The following FER1L6 variants were observed in gnomAD, a reference collection of about 807,000 sequenced individuals.
FER1L6 encodes fer-1-like protein 6.
A neutral mutation model predicts 219.2 loss-of-function variants in FER1L6; 177 were observed. That is an observed-to-expected ratio of 0.81 (90% confidence interval 0.71 to 0.91). The LOEUF (loss-of-function observed/expected upper bound fraction) is 0.91, where lower values mean the gene tolerates loss of function less well. Among genes scored for constraint, FER1L6 ranks in the 40% least tolerant of loss-of-function variants. The pLI, the probability that FER1L6 is intolerant of heterozygous loss-of-function variation, is 0.00. For synonymous variants in FER1L6, 768 were observed against 824.3 expected (o/e 0.93, Z 1.17); for missense variants, 2,153 against 2,259.9 (o/e 0.95, Z 0.96).
chr8:123,917,677 C>T (rs554308476), intron 1 of FER1L6, among the ~76,000 whole-genome samples: 1 of 152,210 alleles, frequency 6.6e-6, no homozygotes, highest in East Asian at 1.9e-4. Flanking sequence ...AAAATTAATC[C>T]CAAATACTAC....
At chr8:123,881,000 C>T (rs905069920) in intron 1 of FER1L6, among the ~76,000 whole-genome samples, 1 of 152,164 alleles carries the variant, frequency 6.6e-6, no homozygotes, top group Non-Finnish European at 1.5e-5. Flanking sequence ...AACCCTTCCC[C>T]TTGGGAAAGA....
chr8:123,909,597 G>A (rs1813016233), intron 1 of FER1L6, among the ~76,000 whole-genome samples: 1 of 152,152 alleles, frequency 6.6e-6, no homozygotes, highest in African/African-American at 2.4e-5. Flanking sequence ...TACACATAAA[G>A]GTTGAGGGGA....
intron 11 of FER1L6, among the ~76,000 whole-genome samples, chr8:123,983,254 G>C (rs1050822328): frequency 6.6e-6 from 1 of 151,948 alleles, no homozygotes; most frequent in Non-Finnish European, 1.5e-5. Context: ...TTGCCCATCT[G>C]GACAGTTGAG....
At chr8:124,059,853 G>A (rs1200448018) in intron 22 of FER1L6, among the ~76,000 whole-genome samples, 1 of 152,114 alleles carries the variant, frequency 6.6e-6, no homozygotes, top group Non-Finnish European at 1.5e-5. Context: ...CCACTACCCT[G>A]CTGTGGTTCT....
intron 1 of FER1L6, among the ~76,000 whole-genome samples, chr8:123,905,846 T>C (rs1484452515): frequency 6.6e-6 from 1 of 152,200 alleles, no homozygotes; most frequent in Non-Finnish European, 1.5e-5. Context: ...TTTTTCTAAG[T>C]TGTACATTGG....
At chr8:123,979,177 G>T (rs1816217187) in intron 10 of FER1L6, among the ~76,000 whole-genome samples, 1 of 152,088 alleles carries the variant, frequency 6.6e-6, no homozygotes, top group South Asian at 2.1e-4. Flanking sequence ...TCAACACTGG[G>T]GGATTGTTAA....
intron 1 of FER1L6, among the ~76,000 whole-genome samples, chr8:123,875,023 C>T (rs141997984): frequency 6.6e-6 from 1 of 151,868 alleles, no homozygotes; most frequent in Non-Finnish European, 1.5e-5. Context: ...GGTGAAATCC[C>T]GTCTCCACTA....
At chr8:123,919,990 C>T (rs79897675) in intron 1 of FER1L6, among the ~76,000 whole-genome samples, 2 of 152,356 alleles carry the variant, frequency 1.3e-5, no homozygotes, top group Non-Finnish European at 2.9e-5. Context: ...AAGCCCCTGG[C>T]ACATGTACAC....
In FER1L6 at chr8:123,970,799, C is replaced by A. The variant is rs746063603; in HGVS notation, c.447+702C>A. Reference sequence around the variant, plus strand: ...GGACAGGAATGGGAAGGGGAAGTGCCCATGTTGAAGCCAGACTGATCCAAA... The same window carrying A: ...GGACAGGAATGGGAAGGGGAAGTGCACATGTTGAAGCCAGACTGATCCAAA... On this transcript the variant is annotated intron_variant, in intron 6 of 40. Transcript: ENST00000522917. Among the ~76,000 whole-genome samples the A allele has an allele frequency of 4.6e-5, 7 of 152,254 alleles. No individual in the cohort carries two copies. The East Asian group carries it at 1.4e-3, about 29-fold the overall frequency.
At chr8:124,023,419 A>G (rs1818550673) in intron 17 of FER1L6, 25 bp from the exon 18 acceptor site, 1 of 1,608,478 alleles carries the variant, frequency 6.2e-7, no homozygotes, top group South Asian at 1.1e-5. Flanking sequence ...TTCCTATTCA[A>G]TCCCAACTCC....
At chr8:123,959,866 C>T (rs1438841086) in intron 2 of FER1L6, among the ~76,000 whole-genome samples, 1 of 152,148 alleles carries the variant, frequency 6.6e-6, no homozygotes, top group Non-Finnish European at 1.5e-5. Flanking sequence ...GTGTTATATA[C>T]TGAAGTTCCA....
At chr8:123,971,106 T>C (rs1427304184) in intron 6 of FER1L6, among the ~76,000 whole-genome samples, 3 of 152,222 alleles carry the variant, frequency 2.0e-5, no homozygotes, top group Non-Finnish European at 4.4e-5. Flanking sequence ...ATGACAAAAC[T>C]TGTTTTGAAG....
Position 123,860,777 on chromosome 8 carries a change from T to G in FER1L6, c.-8+8592T>G, listed in dbSNP as rs1816732217. 2.2e-5 allele frequency among the ~76,000 whole-genome samples: 3 copies of G among 135,164 alleles called. No individual in the cohort carries two copies. The East Asian group carries it at 6.3e-4, about 28-fold the overall frequency. The allele number at this position is 135,164 out of a possible 152,430, so 88.7% of individuals were successfully genotyped here. ...TGTGTTTTTTGGCTGCATAAATGTC[T>G]TCTTTTGAGAAGTGTCTGTTCATGT... is the stretch of plus-strand genomic sequence containing the variant. On this transcript the variant is annotated intron_variant, in intron 1 of 40. Coordinates refer to ENST00000522917, the MANE Select transcript of FER1L6 (RefSeq NM_001039112.2).
chr8:123,877,929 A>G (rs1167985075), intron 1 of FER1L6, among the ~76,000 whole-genome samples: 1 of 152,110 alleles, frequency 6.6e-6, no homozygotes, highest in Admixed American at 6.5e-5. Flanking sequence ...AAATACAAGG[A>G]AAAAAGGGGT....
chr8:123,865,562 G>A (rs952038207), intron 1 of FER1L6, among the ~76,000 whole-genome samples: 2 of 151,444 alleles, frequency 1.3e-5, no homozygotes, highest in African/African-American at 4.9e-5. Flanking sequence ...GGGCAATGGC[G>A]GGCGCCCCTC....
At chr8:124,113,154 C>A (rs1354186236) in intron 39 of FER1L6, among the ~76,000 whole-genome samples, 1 of 151,964 alleles carries the variant, frequency 6.6e-6, no homozygotes, top group East Asian at 1.9e-4. Flanking sequence ...AATAAAAATG[C>A]CAGTTTAATT....
At chr8:124,099,510 C>T (rs997772145) in intron 37 of FER1L6, among the ~76,000 whole-genome samples, 2 of 152,192 alleles carry the variant, frequency 1.3e-5, no homozygotes, top group Middle Eastern at 6.3e-3. Flanking sequence ...TGTTCATCCT[C>T]TCCATCTTCG....
At chr8:123,877,776 A>G (rs7843253) in intron 1 of FER1L6, among the ~76,000 whole-genome samples, 25,554 of 151,874 alleles carry the variant, frequency 0.17, 2,339 homozygotes, top group African/African-American at 0.24. Context: ...CAAAAAAAAA[A>G]AAAAAATGAA....
chr8:124,086,472 T>G (rs1009254112), intron 33 of FER1L6, among the ~76,000 whole-genome samples: 3 of 151,896 alleles, frequency 2.0e-5, no homozygotes, highest in African/African-American at 7.2e-5. Context: ...AAAATAAAAC[T>G]GATGAAAACT....
Sources: gnomAD v4.1 joint callset for allele counts (sites outside exome capture counted in the v4.1 genomes callset) on GRCh38, gnomAD v4.1.1 for gene constraint, MANE v1.5 for transcripts, NCBI Gene and HGNC (gene_info 2026-07-23, HGNC 2026-07-21) for gene names.